The following OTUD4 variants were observed in gnomAD, a reference collection of about 807,000 sequenced individuals.
The protein encoded by OTUD4 is OTU domain-containing protein 4.
OTUD4 carries 24 observed loss-of-function variants against 130.4 expected under a neutral mutation model. The observed-to-expected ratio is 0.18, with a 90% confidence interval of 0.13 to 0.26. OTUD4 has a LOEUF of 0.26. Among genes scored for constraint, OTUD4 ranks in the 10% least tolerant of loss-of-function variants. The pLI, the probability that OTUD4 is intolerant of heterozygous loss-of-function variation, is 1.00. For synonymous variants in OTUD4, 420 were observed against 472.5 expected, an observed-to-expected ratio of 0.89 and a Z score of 1.44; for missense variants, 1,031 against 1,329.4, an observed-to-expected ratio of 0.78 and a Z score of 3.49.
intron 13 of OTUD4, chr4:145,149,780 G>A (rs1018715463): frequency 3.3e-5 from 5 of 152,208 alleles, no homozygotes; most frequent in Admixed American, 6.5e-5. Context: ...TCGGGCAATT[G>A]AGAAGGTGCT....
chr4:145,162,359 C>A (rs562008957), intron 6 of OTUD4, among the ~76,000 whole-genome samples: 1 of 152,112 alleles, frequency 6.6e-6, no homozygotes, highest in Non-Finnish European at 1.5e-5. Flanking sequence ...CGAGACCACC[C>A]TGGCTAACAC....
chr4:145,146,687 A>G (rs1178615045), intron 13 of OTUD4, among the ~76,000 whole-genome samples: 1 of 152,168 alleles, frequency 6.6e-6, no homozygotes, highest in Non-Finnish European at 1.5e-5. Context: ...GAAGACAAAC[A>G]GCAATGGGAG....
chr4:145,172,786 A>G (rs1752241232), intron 2 of OTUD4, among the ~76,000 whole-genome samples: 1 of 152,190 alleles, frequency 6.6e-6, no homozygotes, highest in Non-Finnish European at 1.5e-5. Flanking sequence ...TATATATTAA[A>G]GAGCCCACCA....
In OTUD4 at chr4:145,142,232, C is replaced by G. The variant is rs368215647; in HGVS notation, c.1786G>C (p.Ala596Pro). The G allele has an allele frequency of 1.9e-6, 3 of 1,613,930 alleles. No homozygotes were observed. In the African/African-American group the frequency reaches 4.0e-5, roughly 22 times the overall value. The part of the protein sequence containing the change: ...AVPSLPATVP[A>P]WPSEPTTFGP... ...AAAGTTGTAGGTTCACTTGGCCAGG[C>G]TGGCACAGTGGCTGGTAAAGAAGGC... Residue 596 changes from alanine to proline, a missense_variant, in exon 18 of 21, where the codon GCC becomes CCC. Coordinates refer to ENST00000447906, the MANE Select transcript of OTUD4 (RefSeq NM_001366057.1).
intron 1 of OTUD4, among the ~76,000 whole-genome samples, chr4:145,177,272 T>C (rs1351494191): frequency 6.6e-6 from 1 of 152,242 alleles, no homozygotes; most frequent in Admixed American, 6.5e-5. Flanking sequence ...AAAGCTTATT[T>C]TCAATCAAAA....
chr4:145,155,266 A>G, intron 10 of OTUD4, 145 bp downstream of exon 10: 1 of 654,652 alleles, frequency 1.5e-6, no homozygotes. Context: ...AAATACTTGT[A>G]AACTATTAAA....
At chr4:145,140,727 T>C (rs897300620) in intron 19 of OTUD4, among the ~76,000 whole-genome samples, 2 of 152,206 alleles carry the variant, frequency 1.3e-5, no homozygotes, top group African/African-American at 2.4e-5. Flanking sequence ...CAGACCAGTG[T>C]TGATAAAGCT....
In OTUD4 at chr4:145,152,571, C is replaced by A. The variant is rs1426154666; in HGVS notation, c.938G>T (p.Gly313Val). The A allele has an allele frequency of 1.2e-6, 2 of 1,610,034 alleles. No individual in the cohort carries two copies. Among genetic ancestry groups the A allele is most frequent in the East Asian group, 2.2e-5 (1 of 44,850 alleles). Residue 313 changes from glycine to valine, a missense_variant, in exon 11 of 21, where the codon GGA (glycine) becomes GTA (valine). Coordinates refer to ENST00000447906, the MANE Select transcript of OTUD4 (RefSeq NM_001366057.1). ...TCCCAGTTCTTCAACCAAAACTGGT[C>A]CATTCTCAGAATGAATTCCTTGAAC... ...ADVQGIHSEN[G>V]PVLVEELGKK...
At position 145,137,907 on chromosome 4, in the gene OTUD4, T is replaced by C. The variant is rs1185672761; in HGVS notation, c.2868A>G (p.Val956=). The C allele has an allele frequency of 2.5e-6, 4 of 1,614,060 alleles. No individual in the cohort carries two copies. Among genetic ancestry groups the C allele is most frequent in the Non-Finnish European group, 3.4e-6 (4 of 1,180,048 alleles). ...ADTALASIPP[V]AEGKAHPPTQ... Reference sequence around the variant, plus strand: ...TGGGAGGATGAGCCTTTCCCTCTGCTACAGGAGGGATGGAAGCCAATGCCG... The same window carrying C: ...TGGGAGGATGAGCCTTTCCCTCTGCCACAGGAGGGATGGAAGCCAATGCCG... The change falls in exon 21 of 21, where the codon GTA becomes GTG. Residue 956 remains valine, a synonymous_variant. Coordinates refer to ENST00000447906, the MANE Select transcript of OTUD4 (RefSeq NM_001366057.1).
At chr4:145,147,001 C>T (rs1361468769) in intron 13 of OTUD4, among the ~76,000 whole-genome samples, 1 of 152,114 alleles carries the variant, frequency 6.6e-6, no homozygotes, top group Non-Finnish European at 1.5e-5. Flanking sequence ...GATAAGACTG[C>T]TGTCATTTCA....
At position 145,180,333 on chromosome 4, in the gene OTUD4, C is replaced by A. The variant is rs900941251; in HGVS notation, c.-360G>T. 6.6e-6 allele frequency among the ~76,000 whole-genome samples: 1 copy of A among 152,182 alleles called. No individual in the cohort carries two copies. Among genetic ancestry groups the A allele is most frequent in the Non-Finnish European group, 1.5e-5 (1 of 68,022 alleles). ...TCGCCGCCCCCACAAGTTTCCTCCT[C>A]CGTACCGGTGTGAAGCGAGAAAACC... On this transcript the variant is annotated 5_prime_UTR_variant, in exon 1 of 21. Transcript: ENST00000447906.
intron 5 of OTUD4, among the ~76,000 whole-genome samples, chr4:145,163,776 G>A (rs947462659): frequency 6.8e-6 from 1 of 146,846 alleles, no homozygotes; most frequent in Non-Finnish European, 1.5e-5. Flanking sequence ...GTGTGATCTC[G>A]GCTCACTGCA....
At chr4:145,140,334 G>A (rs1204336072) in intron 19 of OTUD4, among the ~76,000 whole-genome samples, 1 of 152,164 alleles carries the variant, frequency 6.6e-6, no homozygotes, top group Admixed American at 6.5e-5. Flanking sequence ...AAATAAAAAT[G>A]TTGAGAAGAA....
intron 1 of OTUD4, 86 bp downstream of exon 1, chr4:145,179,729 C>T (rs991478307): frequency 2.1e-6 from 3 of 1,438,202 alleles, no homozygotes; most frequent in Non-Finnish European, 2.7e-6. Flanking sequence ...GTGGGCGGCC[C>T]GGACAGCCCG....
chr4:145,166,538 T>C (rs535088596), intron 3 of OTUD4, among the ~76,000 whole-genome samples: 1 of 148,530 alleles, frequency 6.7e-6, no homozygotes, highest in South Asian at 2.1e-4. Flanking sequence ...TCCTACAGAA[T>C]AGTAAAATAA....
Position 145,179,842 on chromosome 4 carries a change from C to G in OTUD4, c.132G>C (p.Ser44=), listed in dbSNP as rs1178364371. The G allele has an allele frequency of 1.3e-6, 2 of 1,525,116 alleles. No homozygotes were observed. Among genetic ancestry groups the G allele is most frequent in the African/African-American group, 1.4e-5 (1 of 71,222 alleles). 94.5% of individuals were successfully genotyped at this position (1,525,116 alleles called of 1,614,324 possible). A position where few individuals can be genotyped will look rare whatever the true frequency, so the allele number is the denominator to read the frequency against. Residue 44 remains serine, a synonymous_variant, in exon 1 of 21, where the codon TCG becomes TCC. Coordinates refer to ENST00000447906, the MANE Select transcript of OTUD4 (RefSeq NM_001366057.1). ...GCTCCGCCACGGCCCGGAACAGGCA[C>G]GACCCGTCCTTGGCGACCAGTTTCC... ...LYRKLVAKDG[S]CLFRAVAEQV... is the part of the protein sequence containing the mutation.
In OTUD4 at chr4:145,137,874, A is replaced by G; in HGVS notation, c.2901T>C (p.Ile967=). ...AEGKAHPPTQ[I]LNRERETVPV... is the part of the protein sequence containing the mutation. ...GCACAGTTTCTCTCTCTCTGTTTAG[A>G]ATCTGAGTGGGAGGATGAGCCTTTC... The change falls in exon 21 of 21, where the codon ATT becomes ATC. Residue 967 remains isoleucine, a synonymous_variant. Transcript: ENST00000447906. 6.2e-7 allele frequency: 1 copy of G among 1,614,044 alleles called. No homozygotes were observed. The highest frequency in any genetic ancestry group is 8.5e-7 in the Non-Finnish European group (1 of 1,179,996).
At chr4:145,158,549 T>C (rs1751404944) in intron 7 of OTUD4, among the ~76,000 whole-genome samples, 1 of 152,080 alleles carries the variant, frequency 6.6e-6, no homozygotes. Context: ...CATATATTTT[T>C]AAAGTTATTT....
At chr4:145,144,076 G>T in intron 15 of OTUD4, 75 bp from the exon 16 acceptor site, 1 of 1,259,288 alleles carries the variant, frequency 7.9e-7, no homozygotes, top group East Asian at 2.3e-5. Flanking sequence ...AAAATACGAA[G>T]ATAGAAGAAG....
Sources: allele counts gnomAD v4.1 joint callset (sites outside exome capture counted in the v4.1 genomes callset), GRCh38; gene constraint gnomAD v4.1.1; transcripts MANE v1.5; gene names NCBI Gene and HGNC (gene_info 2026-07-23, HGNC 2026-07-21).